Variants in NBPF3 observed in about 807,000 individuals in gnomAD.
The protein encoded by NBPF3 is NBPF family member NBPF3.
A neutral mutation model predicts 78.1 loss-of-function variants in NBPF3; 57 were observed. The observed-to-expected ratio is 0.73, with a 90% CI of 0.59 to 0.91. The LOEUF (loss-of-function observed/expected upper bound fraction) is 0.91, where lower values mean the gene tolerates loss of function less well. Ranked by LOEUF, NBPF3 falls within the 40% of genes least tolerant of loss-of-function variation. NBPF3 has a pLI of 0.00. For missense variants in NBPF3, 510 were observed against 715.3 expected (o/e 0.71, Z 3.27); for synonymous variants, 182 against 271.7 (o/e 0.67, Z 3.25).
At chr1:21,479,954 T>C (rs3820296) in intron 10 of NBPF3, 97 bp from the exon 11 acceptor site, 404,658 of 779,978 alleles carry the variant, frequency 0.52, 108,783 homozygotes, top group Middle Eastern at 0.6. Flanking sequence ...GTCCTTTTTC[T>C]TTTCAAACAG....
intron 2 of NBPF3, among the ~76,000 whole-genome samples, chr1:21,449,454 C>A (rs1453009131): frequency 2.5e-5 from 3 of 118,730 alleles, no homozygotes; most frequent in Admixed American, 1.7e-4. Flanking sequence ...AAGTAACGAA[C>A]CATCTTTATT....
intron 2 of NBPF3, among the ~76,000 whole-genome samples, chr1:21,464,067 A>G (rs1642114134): frequency 2.6e-5 from 4 of 152,350 alleles, no homozygotes; most frequent in African/African-American, 9.6e-5. Context: ...AAAGTTAAAC[A>G]TAAAAAAAGT....
At chr1:21,443,822 A>G (rs1349046338) in intron 1 of NBPF3, among the ~76,000 whole-genome samples, 2 of 152,104 alleles carry the variant, frequency 1.3e-5, no homozygotes, top group East Asian at 3.8e-4. Context: ...TAGTGCCCAG[A>G]CTGGTTTCAA....
At chr1:21,441,236 G>A (rs1330864146) in intron 1 of NBPF3, among the ~76,000 whole-genome samples, 2 of 152,188 alleles carry the variant, frequency 1.3e-5, no homozygotes, top group African/African-American at 4.8e-5. Context: ...TCTGTTTGGA[G>A]CTGATATGCG....
rs371380637 is a variant in NBPF3, at chr1:21,483,114, T to C, written c.1659-29T>C. 13 of 1,612,406 alleles carry C rather than the reference T, an allele frequency of 8.1e-6. No homozygotes were observed. The African/African-American group carries it at 1.7e-4, about 22-fold the overall frequency. On this transcript the variant is annotated intron_variant, in intron 14 of 14. Coordinates refer to ENST00000318249, the MANE Select transcript of NBPF3 (RefSeq NM_032264.6). Reference sequence around the variant, plus strand: ...TCTGTGGTGTCTGATTTTCCCTGGCTGCTTCTTTAGTTTTGTCTCCTTTTC... The same window carrying C: ...TCTGTGGTGTCTGATTTTCCCTGGCCGCTTCTTTAGTTTTGTCTCCTTTTC...
At chr1:21,467,544 C>CA (rs1254367051) in intron 2 of NBPF3, among the ~76,000 whole-genome samples, 1 of 152,140 alleles carries the variant, frequency 6.6e-6, no homozygotes, top group African/African-American at 2.4e-5. Context: ...GGAATGAAAC[C>CA]AAAAATCAAT....
At chr1:21,453,840 A>T (rs1285552854) in intron 2 of NBPF3, 4 of 152,178 alleles carry the variant, frequency 2.6e-5, no homozygotes, top group African/African-American at 9.7e-5. Flanking sequence ...GGATCCCTTG[A>T]GGAAGAGTGA....
At position 21,484,327 on chromosome 1, in the gene NBPF3, A is replaced by G. The variant is rs920066850; in HGVS notation, c.*941A>G. ...ATTTCTTTAGTTATTTTGAACCCCA[A>G]ATATTTCCTCATCTTTTTGTTGTTG... On this transcript the variant is annotated 3_prime_UTR_variant, in exon 15 of 15. Coordinates refer to ENST00000318249, the MANE Select transcript of NBPF3 (RefSeq NM_032264.6). 1.4e-5 allele frequency: 2 copies of G among 142,266 alleles called. No individual in the cohort carries two copies. Among genetic ancestry groups the G allele is most frequent in the African/African-American group, 5.2e-5 (2 of 38,278 alleles). The allele number at this position is 142,266 out of a possible 1,614,324, so 8.8% of individuals were successfully genotyped here. A position where few individuals can be genotyped will look rare whatever the true frequency, so the allele number is the denominator to read the frequency against.
chr1:21,468,791 A>T lies in NBPF3; in HGVS notation c.237A>T (p.Lys79Asn), dbSNP rs1263721796. 6.2e-7 allele frequency: 1 copy of T among 1,613,958 alleles called. No homozygotes were observed. Among genetic ancestry groups the T allele is most frequent in the Admixed American group, 1.7e-5 (1 of 59,992 alleles). ...TGAACATTCTAGAAATCAACAAGAAATCGCGCCCCCAGCTGGCAGAGAACA... is the reference window on the plus strand; with the variant it reads ...TGAACATTCTAGAAATCAACAAGAATTCGCGCCCCCAGCTGGCAGAGAACA... ...AEMNILEINK[K>N]SRPQLAENKQ... Residue 79 changes from lysine (K) to asparagine (N), a missense_variant, in exon 3 of 15, where the codon AAA becomes AAT. Lys to Asn is a moderately conservative substitution (Grantham distance 94, BLOSUM62 0). Around this residue, in one of 5 missense-constraint regions of NBPF3, gnomAD observed 440 missense variants for 478.2 expected, o/e 0.92. Coordinates refer to ENST00000318249, the MANE Select transcript of NBPF3 (RefSeq NM_032264.6).
chr1:21,474,196 T>C (rs1334480509), intron 7 of NBPF3, among the ~76,000 whole-genome samples: 1 of 81,760 alleles, frequency 1.2e-5, no homozygotes, highest in Non-Finnish European at 2.8e-5. Flanking sequence ...TTCTTTTCTT[T>C]TCTTTTTCTT....
chr1:21,473,379 G>A lies in NBPF3; in HGVS notation c.735-1G>A, dbSNP rs779820754. On this transcript the variant is annotated splice_acceptor_variant, in intron 6 of 14. Transcript: ENST00000318249. LOFTEE classifies it high-confidence loss of function. ...CATCTCTATCCCACCTGGCTCATCA[G>A]GGAGGTGCAGAAGGCTGAAGAAAAG... 6.2e-7 allele frequency: 1 copy of A among 1,613,894 alleles called. No individual in the cohort carries two copies. The highest frequency in any genetic ancestry group is 8.5e-7 in the Non-Finnish European group (1 of 1,179,774).
chr1:21,445,447 A>T (rs1185293986), intron 2 of NBPF3, among the ~76,000 whole-genome samples: 2 of 152,094 alleles, frequency 1.3e-5, no homozygotes, highest in Non-Finnish European at 2.9e-5. Flanking sequence ...ACTTCAGGAG[A>T]GGACAGTGTT....
intron 2 of NBPF3, among the ~76,000 whole-genome samples, chr1:21,463,840 G>T (rs1642098500): frequency 6.6e-6 from 1 of 152,168 alleles, no homozygotes; most frequent in Admixed American, 6.5e-5. Context: ...TGGCCAAGAA[G>T]CACATGCAAA....
rs755458562 is a variant in NBPF3, at chr1:21,480,088, G to A, written c.1246G>A (p.Val416Ile). 1.7e-6 allele frequency: 2 copies of A among 1,148,166 alleles called. No homozygotes were observed. Among genetic ancestry groups the A allele is most frequent in the South Asian group, 2.4e-5 (2 of 82,026 alleles). 71.1% of individuals were successfully genotyped at this position (1,148,166 alleles called of 1,614,324 possible). ...GCTGCTGGATGAGAAAGAGCCTGAA[G>A]TCTTGCAGGACTCACTGGATAGATT... Reference protein sequence around the residue: ...RELLDEKEPEVLQDSLDRFYS... With the variant: ...RELLDEKEPEILQDSLDRFYS... Residue 416 changes from valine to isoleucine, a missense_variant, in exon 11 of 15, where the codon GTC becomes ATC. Coordinates refer to ENST00000318249, the MANE Select transcript of NBPF3 (RefSeq NM_032264.6).
In NBPF3 at chr1:21,468,833, C is replaced by A. The variant is rs560746790; in HGVS notation, c.279C>A (p.Asn93Lys). ...QLAENKQQFR[N>K]LKQKCLVTQV... ...CAGAGAACAAACAGCAGTTCAGAAA[C>A]CTCAAACAGAAATGTCTTGTAACTC... The change falls in exon 3 of 15, where the codon AAC (asparagine) becomes AAA (lysine). Residue 93 changes from asparagine (N) to lysine (K), a missense_variant. Around this residue, in one of 5 missense-constraint regions of NBPF3, gnomAD observed 440 missense variants for 478.2 expected, o/e 0.92. Transcript: ENST00000318249. 18 of 1,614,172 alleles carry A rather than the reference C, an allele frequency of 1.1e-5. No individual in the cohort carries two copies. The highest frequency in any genetic ancestry group is 5.5e-5 in the South Asian group (5 of 91,078).
At chr1:21,442,997 T>G (rs369298175) in intron 1 of NBPF3, among the ~76,000 whole-genome samples, 1 of 152,214 alleles carries the variant, frequency 6.6e-6, no homozygotes, top group African/African-American at 2.4e-5. Flanking sequence ...GTGTCTGCTT[T>G]ATCCAGGACC....
intron 2 of NBPF3, among the ~76,000 whole-genome samples, chr1:21,448,797 T>C (rs1158254817): frequency 6.6e-6 from 1 of 152,206 alleles, no homozygotes; most frequent in East Asian, 1.9e-4. Flanking sequence ...CCTTGTGTGT[T>C]AGCCTGTCTT....
At chr1:21,444,116 G>T (rs1640825007) in intron 1 of NBPF3, among the ~76,000 whole-genome samples, 1 of 152,034 alleles carries the variant, frequency 6.6e-6, no homozygotes, top group Admixed American at 6.6e-5. Flanking sequence ...ACCTTGCCTG[G>T]CATGAAACAG....
At position 21,473,424 on chromosome 1, in the gene NBPF3, T is replaced by C; in HGVS notation, c.779T>C (p.Leu260Pro). Residue 260 changes from leucine to proline, a missense_variant, in exon 7 of 15, where the codon CTG becomes CCG. Leu to Pro is a moderately conservative substitution (Grantham distance 98, BLOSUM62 -3). This residue lies in a region of NBPF3 where 440 missense variants were observed against 478.2 expected (regional missense o/e 0.92). Coordinates refer to ENST00000318249, the MANE Select transcript of NBPF3 (RefSeq NM_032264.6). Reference sequence around the variant, plus strand: ...GAAAAGGAAGTCCCTGAGGACTCACTGGAGGAGTGTGCCATCACTTGTTCA... The same window carrying C: ...GAAAAGGAAGTCCCTGAGGACTCACCGGAGGAGTGTGCCATCACTTGTTCA... ...AEEKEVPEDSLEECAITCSNS... is the reference protein window; with the variant it reads ...AEEKEVPEDSPEECAITCSNS... The C allele has an allele frequency of 6.2e-7, 1 of 1,614,222 alleles. No individual in the cohort carries two copies. The highest frequency in any genetic ancestry group is 8.5e-7 in the Non-Finnish European group (1 of 1,180,046).
Sources: allele counts gnomAD v4.1 joint callset (sites outside exome capture counted in the v4.1 genomes callset), GRCh38; gene constraint gnomAD v4.1.1; regional missense constraint gnomAD v4.1.1; transcripts MANE v1.5; gene names NCBI Gene and HGNC (gene_info 2026-07-23, HGNC 2026-07-21).